Variants in FER1L6 observed in about 807,000 individuals in gnomAD.
The protein encoded by FER1L6 is fer-1 like family member 6, also known as fer-1-like protein 6.
FER1L6 carries 177 observed loss-of-function variants against 219.2 expected under a neutral mutation model. That is an observed-to-expected ratio of 0.81 (90% CI 0.71 to 0.91). FER1L6 has a LOEUF of 0.91. Ranked by LOEUF, FER1L6 falls within the 40% of genes least tolerant of loss-of-function variation. The pLI, the probability that FER1L6 is intolerant of heterozygous loss-of-function variation, is 0.00. For missense variants in FER1L6, 2,153 were observed against 2,259.9 expected (o/e 0.95, Z 0.96); for synonymous variants, 768 against 824.3 (o/e 0.93, Z 1.17).
chr8:124,069,673 A>ATAT (rs1336792923), intron 29 of FER1L6, among the ~76,000 whole-genome samples, 198 bp downstream of exon 29: 3 of 152,222 alleles, frequency 2.0e-5, no homozygotes, highest in African/African-American at 7.2e-5. Flanking sequence ...CTATACCCTC[A>ATAT]TATTGAGAAG....
chr8:123,918,887 C>G (rs930295654), intron 1 of FER1L6, among the ~76,000 whole-genome samples: 6 of 152,094 alleles, frequency 3.9e-5, no homozygotes, highest in African/African-American at 7.2e-5. Flanking sequence ...GAGTGCCCCT[C>G]AGGGTCAGGC....
intron 25 of FER1L6, among the ~76,000 whole-genome samples, chr8:124,062,921 T>C (rs925966536): frequency 6.6e-6 from 1 of 152,222 alleles, no homozygotes; most frequent in Non-Finnish European, 1.5e-5. Context: ...TGGAACCCCA[T>C]TTTTCTCCTC....
chr8:124,117,143 A>G (rs1409691047), intron 39 of FER1L6, among the ~76,000 whole-genome samples: 1 of 152,242 alleles, frequency 6.6e-6, no homozygotes, highest in African/African-American at 2.4e-5. Flanking sequence ...GAGCTTTGGT[A>G]TCATACAGAC....
chr8:124,099,620 C>T (rs1409024735), intron 37 of FER1L6, among the ~76,000 whole-genome samples: 1 of 152,184 alleles, frequency 6.6e-6, no homozygotes, highest in Non-Finnish European at 1.5e-5. Flanking sequence ...CATTCTTGCC[C>T]TCCAATAGTT....
chr8:124,071,876 G>A (rs988059102), intron 31 of FER1L6, among the ~76,000 whole-genome samples: 10 of 152,112 alleles, frequency 6.6e-5, no homozygotes, highest in African/African-American at 2.4e-4. Context: ...TGTATATAGG[G>A]AGAGTGCGAG....
chr8:123,951,057 A>G (rs1183430883), intron 1 of FER1L6, among the ~76,000 whole-genome samples: 1 of 152,224 alleles, frequency 6.6e-6, no homozygotes, highest in Non-Finnish European at 1.5e-5. Context: ...TCTGAATTTA[A>G]TACATTTAAT....
intron 9 of FER1L6, among the ~76,000 whole-genome samples, chr8:123,976,298 C>T (rs774595872): frequency 1.3e-5 from 2 of 152,072 alleles, no homozygotes; most frequent in African/African-American, 2.4e-5. Flanking sequence ...GCCAGGAGCT[C>T]AAGACCAGCC....
At chr8:124,015,508 T>G (rs1049009595) in intron 15 of FER1L6, among the ~76,000 whole-genome samples, 6 of 147,480 alleles carry the variant, frequency 4.1e-5, no homozygotes, top group Non-Finnish European at 7.5e-5. Flanking sequence ...CTCTACAATT[T>G]TTACTTCACA....
chr8:123,980,162 G>T (rs1443416518), intron 10 of FER1L6, among the ~76,000 whole-genome samples: 1 of 152,090 alleles, frequency 6.6e-6, no homozygotes, highest in East Asian at 1.9e-4. Context: ...ATTGTACCTG[G>T]CACTAAACAT....
In FER1L6 at chr8:124,119,788, T is replaced by C. The variant is rs375592893; in HGVS notation, c.5572T>C (p.Ter1858GlnextTer22). The C allele has an allele frequency of 7.7e-5, 125 of 1,613,660 alleles. No homozygotes were observed. Among genetic ancestry groups the C allele is most frequent in the Non-Finnish European group, 1.0e-4 (119 of 1,179,868 alleles). Residue 1858 changes from the stop codon to glutamine (Q), a stop_lost, in exon 41 of 41, where the codon TAG (stop) becomes CAG (glutamine). Transcript: ENST00000522917. Reference sequence around the variant, plus strand: ...CAGCCGAAGGATCGTTGTGGGCTCATAGAGGATCATGGAGGACCCAGATCC... The same window carrying C: ...CAGCCGAAGGATCGTTGTGGGCTCACAGAGGATCATGGAGGACCCAGATCC... Reference protein sequence around the residue: ...AISRRIVVGS* With the variant: ...AISRRIVVGSQ
rs200293847 is a variant in FER1L6, at chr8:123,975,976, G to T, written c.762G>T (p.Gly254=). ...RFYVRLYKAE[G]LPKMNSSIMA... ...ATGTGAGACTCTACAAAGCAGAAGG[G>T]TTGCCCAAAATGAATTCAAGCATCA... The change falls in exon 9 of 41, where the codon GGG becomes GGT. Residue 254 remains glycine (G), a synonymous_variant. Coordinates refer to ENST00000522917, the MANE Select transcript of FER1L6 (RefSeq NM_001039112.2). 106 of 1,614,084 alleles carry T rather than the reference G, an allele frequency of 6.6e-5. No homozygotes were observed. Among genetic ancestry groups the T allele is most frequent in the Admixed American group, 1.3e-4 (8 of 60,006 alleles).
At chr8:123,854,025 A>C (rs1816580312) in intron 1 of FER1L6, among the ~76,000 whole-genome samples, 1 of 152,134 alleles carries the variant, frequency 6.6e-6, no homozygotes, top group Admixed American at 6.5e-5. Context: ...CCTTCAGTAA[A>C]GGCCTGTGTG....
chr8:123,981,406 T>G (rs1039430639), intron 11 of FER1L6, among the ~76,000 whole-genome samples: 4 of 152,244 alleles, frequency 2.6e-5, no homozygotes, highest in Non-Finnish European at 5.9e-5. Flanking sequence ...TTCTCTCTAC[T>G]GTTTAGTTTA....
chr8:123,917,282 C>G (rs1331549187), intron 1 of FER1L6, among the ~76,000 whole-genome samples: 1 of 152,112 alleles, frequency 6.6e-6, no homozygotes, highest in East Asian at 1.9e-4. Flanking sequence ...GGGAACTTAC[C>G]ATAAATCTAA....
intron 1 of FER1L6, among the ~76,000 whole-genome samples, chr8:123,919,899 G>C (rs1405935597): frequency 1.3e-5 from 2 of 152,208 alleles, no homozygotes; most frequent in African/African-American, 4.8e-5. Context: ...CAGCAAGGGG[G>C]AGCAGGTGGC....
chr8:123,893,281 A>T (rs1049205161), intron 1 of FER1L6, among the ~76,000 whole-genome samples: 4 of 152,230 alleles, frequency 2.6e-5, no homozygotes, highest in African/African-American at 7.2e-5. Flanking sequence ...CAGATTAGAG[A>T]GAAAACTTCC....
At chr8:123,996,390 C>G (rs1169904915) in intron 12 of FER1L6, among the ~76,000 whole-genome samples, 1 of 152,046 alleles carries the variant, frequency 6.6e-6, no homozygotes, top group Non-Finnish European at 1.5e-5. Context: ...GAAATGACTC[C>G]TTGGTCTCTT....
intron 1 of FER1L6, among the ~76,000 whole-genome samples, chr8:123,873,787 C>T (rs942263438): frequency 1.3e-5 from 2 of 152,142 alleles, no homozygotes; most frequent in African/African-American, 4.8e-5. Context: ...CACAATCACA[C>T]CCTGATCTTG....
chr8:123,856,274 G>A (rs1190588666), intron 1 of FER1L6, among the ~76,000 whole-genome samples: 3 of 104,624 alleles, frequency 2.9e-5, no homozygotes, highest in African/African-American at 1.1e-4. Flanking sequence ...ATGTGTATAT[G>A]TGTATATATG....
Sources: allele counts gnomAD v4.1 joint callset (sites outside exome capture counted in the v4.1 genomes callset), GRCh38; gene constraint gnomAD v4.1.1; transcripts MANE v1.5; gene names NCBI Gene and HGNC (gene_info 2026-07-23, HGNC 2026-07-21).